ATRNL1: variants seen among roughly 807,000 people sequenced by gnomAD.
ATRNL1 encodes attractin-like protein 1.
A neutral mutation model predicts 182.7 loss-of-function variants in ATRNL1; 95 were observed. The observed-to-expected ratio is 0.52, with a 90% CI of 0.44 to 0.62. The LOEUF is 0.62. ATRNL1 is among the 20% of genes least tolerant of loss of function. The pLI is 0.00. For synonymous variants in ATRNL1, 576 were observed against 568.3 expected (o/e 1.01, Z -0.19); for missense variants, 1,471 against 1,679.5 (o/e 0.88, Z 2.17).
chr10:115,650,098 T>G (rs560711754), intron 26 of ATRNL1, among the ~76,000 whole-genome samples: 77 of 152,238 alleles, frequency 5.1e-4, no homozygotes, highest in African/African-American at 1.8e-3. Context: ...TGAAAGCTTG[T>G]ATCAGCCAAG....
chr10:115,722,105 C>CAA (rs1316973046), intron 26 of ATRNL1, among the ~76,000 whole-genome samples: 1 of 151,942 alleles, frequency 6.6e-6, no homozygotes, highest in African/African-American at 2.4e-5. Context: ...TACCATTTGA[C>CAA]AAAGAAATTT....
intron 28 of ATRNL1, among the ~76,000 whole-genome samples, chr10:115,885,565 T>C (rs1007892837): frequency 3.9e-5 from 6 of 152,376 alleles, no homozygotes; most frequent in Non-Finnish European, 8.8e-5. Flanking sequence ...CATATATTCA[T>C]CGTGGAAAGT....
At chr10:115,728,357 A>T (rs1023772227) in intron 27 of ATRNL1, among the ~76,000 whole-genome samples, 1 of 150,188 alleles carries the variant, frequency 6.7e-6, no homozygotes, top group African/African-American at 2.4e-5. Flanking sequence ...ATTAATGACT[A>T]TTCAAAGCAT....
intron 27 of ATRNL1, among the ~76,000 whole-genome samples, chr10:115,805,114 T>G (rs1949889461): frequency 6.6e-6 from 1 of 152,188 alleles, no homozygotes; most frequent in South Asian, 2.1e-4. Context: ...CCCCTCCTAA[T>G]TCTACCTCCT....
chr10:115,231,677 G>A (rs559665063), intron 9 of ATRNL1, among the ~76,000 whole-genome samples: 1 of 152,260 alleles, frequency 6.6e-6, no homozygotes, highest in African/African-American at 2.4e-5. Context: ...AACAAATAGA[G>A]TGGTAAACCT....
At chr10:115,404,952 A>T (rs1844747282) in intron 20 of ATRNL1, among the ~76,000 whole-genome samples, 1 of 151,956 alleles carries the variant, frequency 6.6e-6, no homozygotes, top group Non-Finnish European at 1.5e-5. Flanking sequence ...TTAACTCTAG[A>T]TGGTCAGAAT....
At chr10:115,325,960 TCTTA>T (rs1196641147) in intron 18 of ATRNL1, among the ~76,000 whole-genome samples, 50 of 152,288 alleles carry the variant, frequency 3.3e-4, no homozygotes, top group Middle Eastern at 6.8e-3. Context: ...GTAACCCATT[TCTTA>T]CTTTAAATCT....
At chr10:115,682,669 T>TATGGTGATGATGATG (rs1555045086) in intron 26 of ATRNL1, among the ~76,000 whole-genome samples, 186 of 150,074 alleles carry the variant, frequency 1.2e-3, no homozygotes, top group African/African-American at 4.4e-3. Flanking sequence ...AGATAATACA[T>TATGGTGATGATGATG]ATGATGATGA....
intron 19 of ATRNL1, among the ~76,000 whole-genome samples, chr10:115,374,439 TTC>T (rs1224902940): frequency 4.2e-5 from 6 of 141,560 alleles, no homozygotes; most frequent in East Asian, 2.0e-4. Context: ...CTCCTTCTCC[TTC>T]TCCTTCCTTC....
chr10:115,137,179 T>G (rs1845552167), intron 5 of ATRNL1, among the ~76,000 whole-genome samples: 1 of 152,092 alleles, frequency 6.6e-6, no homozygotes. Flanking sequence ...GCAACAAGAA[T>G]GAAAATCCAT....
intron 26 of ATRNL1, among the ~76,000 whole-genome samples, chr10:115,619,032 G>T (rs560327306): frequency 8.2e-4 from 125 of 152,250 alleles, no homozygotes; most frequent in South Asian, 2.5e-3. Flanking sequence ...CTTTGGCTTT[G>T]GTTCTGTGAC....
intron 15 of ATRNL1, among the ~76,000 whole-genome samples, chr10:115,295,939 C>T (rs1564888385): frequency 6.6e-6 from 1 of 152,074 alleles, no homozygotes; most frequent in Non-Finnish European, 1.5e-5. Flanking sequence ...CCAGAGGTGG[C>T]TCTGGTCTCA....
intron 26 of ATRNL1, among the ~76,000 whole-genome samples, chr10:115,659,559 G>C (rs913459045): frequency 6.6e-6 from 1 of 151,948 alleles, no homozygotes; most frequent in Non-Finnish European, 1.5e-5. Flanking sequence ...TTAATGTAAT[G>C]TTATTTACAT....
intron 26 of ATRNL1, among the ~76,000 whole-genome samples, chr10:115,581,480 T>C (rs1855074972): frequency 6.6e-6 from 1 of 152,142 alleles, no homozygotes; most frequent in Non-Finnish European, 1.5e-5. Context: ...TCTAGATGCA[T>C]AGTTATTGGA....
chr10:115,215,664 T>G, intron 8 of ATRNL1, 33 bp from the exon 9 acceptor site: 1 of 1,502,368 alleles, frequency 6.7e-7, no homozygotes. Context: ...AAATACTACT[T>G]GAAATTTATA....
rs1302106872 is a variant in ATRNL1 at position 115,740,113 on chromosome 10, G to T, written c.3903+12758G>T. ...AAGAAACCAATAATGTTATACTTTAGATAAACATTTTCATGTGTTCCCATA... is the reference window on the plus strand; with the variant it reads ...AAGAAACCAATAATGTTATACTTTATATAAACATTTTCATGTGTTCCCATA... On this transcript the variant is annotated intron_variant, in intron 27 of 28. Transcript: ENST00000355044. Among the ~76,000 whole-genome samples the T allele has an allele frequency of 2.2e-4, 3 of 13,678 alleles. No homozygotes were observed. In the Non-Finnish European group the frequency reaches 7.7e-3, roughly 35 times the overall value. 9.0% of individuals were successfully genotyped at this position (13,678 alleles called of 152,430 possible). A position where few individuals can be genotyped will look rare whatever the true frequency, so the allele number is the denominator to read the frequency against.
intron 19 of ATRNL1, among the ~76,000 whole-genome samples, chr10:115,359,026 A>C (rs1856623902): frequency 6.6e-6 from 1 of 151,606 alleles, no homozygotes; most frequent in African/African-American, 2.4e-5. Context: ...AATGGGTGTT[A>C]TGTCCCTGCC....
At chr10:115,699,878 T>TC (rs1402777306) in intron 26 of ATRNL1, among the ~76,000 whole-genome samples, 1 of 152,106 alleles carries the variant, frequency 6.6e-6, no homozygotes, top group East Asian at 1.9e-4. Flanking sequence ...TCTGTTGCTG[T>TC]CATCATTATG....
At chr10:115,100,092 G>A (rs559513819) in intron 1 of ATRNL1, among the ~76,000 whole-genome samples, 205 of 152,270 alleles carry the variant, frequency 1.3e-3, no homozygotes, top group African/African-American at 4.7e-3. Flanking sequence ...AGGAATTTGA[G>A]TGCAGCCTGG....
Sources: allele counts gnomAD v4.1 joint callset (sites outside exome capture counted in the v4.1 genomes callset), GRCh38; gene constraint gnomAD v4.1.1; transcripts MANE v1.5; gene names NCBI Gene and HGNC (gene_info 2026-07-23, HGNC 2026-07-21).